PRKCH: variants seen among roughly 807,000 people sequenced by gnomAD.
PRKCH encodes protein kinase C eta, also known as protein kinase C eta type.
In PRKCH, 28 loss-of-function variants were observed where a neutral mutation model predicts 82.5. The observed-to-expected ratio is 0.34, with a 90% CI of 0.25 to 0.47. PRKCH has a LOEUF of 0.47. Among genes scored for constraint, PRKCH ranks in the 20% least tolerant of loss-of-function variants. The pLI, the probability that PRKCH is intolerant of heterozygous loss-of-function variation, is 1.00. For missense variants in PRKCH, 705 were observed against 881.8 expected (o/e 0.80, Z 2.54); for synonymous variants, 322 against 327.4 (o/e 0.98, Z 0.18).
At position 61,456,774 on chromosome 14, in the gene PRKCH, G is replaced by T. The variant is rs114611210; in HGVS notation, c.961-402G>T. On this transcript the variant is annotated intron_variant, in intron 7 of 13. Transcript: ENST00000332981. ...CATTCGTGTCCTGGTGCTGAATGAT[G>T]CTTGAATCTCTGAGTAGACATGAGA... 4.1e-3 allele frequency: 652 copies of T among 158,728 alleles called. 7 individuals are homozygous for T. Among genetic ancestry groups the T allele is most frequent in the African/African-American group, 0.015 (632 of 41,756 alleles). 9.8% of individuals were successfully genotyped at this position (158,728 alleles called of 1,614,324 possible).
intron 1 of PRKCH, chr14:61,281,774 C>T (rs908644175): frequency 6.2e-5 from 10 of 160,944 alleles, no homozygotes; most frequent in Admixed American, 4.6e-4. Context: ...CTTCACAAAC[C>T]GCTTTCGCCC....
rs1305871341 is a variant in PRKCH, at chr14:61,550,004, C to A, written c.*173C>A. On this transcript the variant is annotated 3_prime_UTR_variant, in exon 14 of 14. Coordinates refer to ENST00000332981, the MANE Select transcript of PRKCH (RefSeq NM_006255.5). ...CTTTCAGATATCAACTATTTAGAGT[C>A]CAGAGGGAGCCATGGCACTAGAAAT... The A allele has an allele frequency of 9.7e-6, 6 of 616,872 alleles. No individual in the cohort carries two copies. Among genetic ancestry groups the A allele is most frequent in the Non-Finnish European group, 1.4e-5 (5 of 370,080 alleles). 38.2% of individuals were successfully genotyped at this position (616,872 alleles called of 1,614,324 possible).
intron 9 of PRKCH, among the ~76,000 whole-genome samples, chr14:61,475,868 T>C (rs1259383776): frequency 6.6e-6 from 1 of 152,236 alleles, no homozygotes; most frequent in Non-Finnish European, 1.5e-5. Context: ...TCCAGTTCTT[T>C]GGAAGCTAAA....
chr14:61,496,526 T>C (rs1886675536), intron 10 of PRKCH, among the ~76,000 whole-genome samples: 1 of 152,160 alleles, frequency 6.6e-6, no homozygotes, highest in African/African-American at 2.4e-5. Context: ...AGTCATCACC[T>C]CCTCTGATAA....
At position 61,457,408 on chromosome 14, in the gene PRKCH, C is replaced by G. The variant is rs2140295840; in HGVS notation, c.1104+89C>G. The G allele has an allele frequency of 6.9e-6, 11 of 1,585,796 alleles. No individual in the cohort carries two copies. The South Asian group carries it at 1.3e-4, about 18-fold the overall frequency. The stretch of plus-strand genomic sequence containing the variant: ...GTGTGTGCACGCATGCGCACATACT[C>G]ACATTTCTCATGTGCCATTCTTTCT... On this transcript the variant is annotated intron_variant, in intron 8 of 13. Transcript: ENST00000332981.
At position 61,549,765 on chromosome 14, in the gene PRKCH, T is replaced by C. The variant is rs1427523303; in HGVS notation, c.1986T>C (p.His662=). The change falls in exon 14 of 14, where the codon CAT becomes CAC. Residue 662 remains histidine, a synonymous_variant. Coordinates refer to ENST00000332981, the MANE Select transcript of PRKCH (RefSeq NM_006255.5). The part of the protein sequence containing the change: ...EPVLTPIDEG[H]LPMINQDEFR... The stretch of plus-strand genomic sequence containing the variant: ...TTTTAACTCCAATTGATGAGGGACA[T>C]CTTCCAATGATTAACCAGGATGAGT... The C allele has an allele frequency of 1.9e-6, 3 of 1,613,862 alleles. No individual in the cohort carries two copies. The highest frequency in any genetic ancestry group is 2.5e-6 in the Non-Finnish European group (3 of 1,179,914).
At chr14:61,217,234 A>G (rs2044622378) in intron 1 of PRKCH, among the ~76,000 whole-genome samples, 1 of 152,030 alleles carries the variant, frequency 6.6e-6, no homozygotes, top group South Asian at 2.1e-4. Context: ...TCTAAAAAAG[A>G]TTTTAAAAAT....
intron 2 of PRKCH, among the ~76,000 whole-genome samples, chr14:61,422,233 A>G (rs1882873835): frequency 6.6e-6 from 1 of 152,026 alleles, no homozygotes; most frequent in African/African-American, 2.4e-5. Context: ...ATAGGCATGT[A>G]CTACCATGCC....
At chr14:61,417,734 T>C (rs1882633972) in intron 2 of PRKCH, among the ~76,000 whole-genome samples, 2 of 152,190 alleles carry the variant, frequency 1.3e-5, no homozygotes, top group Non-Finnish European at 2.9e-5. Flanking sequence ...ATGGTCCTAA[T>C]AGACTGTTTC....
chr14:61,272,184 C>T (rs138021856), intron 1 of PRKCH, among the ~76,000 whole-genome samples: 9,076 of 151,370 alleles, frequency 0.06, 328 homozygotes, highest in East Asian at 0.13. Context: ...GCTGAGATTG[C>T]GCCACTGCAC....
chr14:61,248,123 C>T (rs995543990), intron 1 of PRKCH, among the ~76,000 whole-genome samples: 3 of 151,940 alleles, frequency 2.0e-5, no homozygotes, highest in African/African-American at 7.3e-5. Context: ...GAGTTATATC[C>T]CCTGACCACA....
At chr14:61,375,208 C>T (rs140523360) in intron 1 of PRKCH, among the ~76,000 whole-genome samples, 2 of 152,186 alleles carry the variant, frequency 1.3e-5, no homozygotes, top group Non-Finnish European at 2.9e-5. Context: ...TACTCCAGTC[C>T]AGTAAGTTCC....
chr14:61,209,851 C>T (rs191356771), intron 1 of PRKCH, among the ~76,000 whole-genome samples: 46 of 152,048 alleles, frequency 3.0e-4, no homozygotes, highest in Admixed American at 2.1e-3. Context: ...TTATTTCCAT[C>T]TTTATGTCCA....
At chr14:61,427,544 A>T (rs1883173092) in intron 2 of PRKCH, among the ~76,000 whole-genome samples, 1 of 152,164 alleles carries the variant, frequency 6.6e-6, no homozygotes, top group Non-Finnish European at 1.5e-5. Flanking sequence ...ATGGCAGAGA[A>T]ACATATTTTG....
Position 61,227,097 on chromosome 14 carries a change from A to G in PRKCH, c.-19+39429A>G, listed in dbSNP as rs367768068. ...GAGAGAATAAGAGGACAAGTGATTT[A>G]TTGATTTTTGGTGGCAGAGAAGAAG... On this transcript the variant is annotated intron_variant, in intron 1 of 3. Transcript: ENST00000555185. Among the ~76,000 whole-genome samples, 74 of 152,340 alleles carry G rather than the reference A, an allele frequency of 4.9e-4. 1 individual carries two copies. In the South Asian group the frequency reaches 0.014, roughly 29 times the overall value.
At chr14:61,391,466 C>T (rs540411235) in intron 2 of PRKCH, among the ~76,000 whole-genome samples, 178 bp downstream of exon 2, 3 of 152,238 alleles carry the variant, frequency 2.0e-5, no homozygotes, top group Admixed American at 2.0e-4. Flanking sequence ...TTCAGGTTGC[C>T]AAATTAAATA....
At chr14:61,365,246 G>GT (rs1449930849) in intron 1 of PRKCH, among the ~76,000 whole-genome samples, 13 of 152,112 alleles carry the variant, frequency 8.5e-5, no homozygotes, top group African/African-American at 2.9e-4. Flanking sequence ...GCAGGTATAG[G>GT]ATAGTGTATC....
upstream of PRKCH, among the ~76,000 whole-genome samples, chr14:61,319,584 A>T (rs892060883): frequency 1.3e-5 from 2 of 152,120 alleles, no homozygotes; most frequent in Admixed American, 1.3e-4. Flanking sequence ...AAAAAAATTT[A>T]AAGTCTACAC....
intron 1 of PRKCH, chr14:61,304,816 A>G (rs1229879027): frequency 6.6e-6 from 1 of 151,712 alleles, no homozygotes; most frequent in Admixed American, 6.6e-5. Context: ...TGAGCCAAAC[A>G]AGGTCTTAAA....
Sources: gnomAD v4.1 joint callset for allele counts (sites outside exome capture counted in the v4.1 genomes callset) on GRCh38, gnomAD v4.1.1 for gene constraint, MANE v1.5 for transcripts, NCBI Gene and HGNC (gene_info 2026-07-23, HGNC 2026-07-21) for gene names.